Variants in TCF4 observed in about 807,000 individuals in gnomAD.
The protein encoded by TCF4 is transcription factor 4.
TCF4 carries 3 observed loss-of-function variants against 82.1 expected under a neutral mutation model. The ratio of observed to expected loss-of-function variants is 0.04; its 90% confidence interval spans 0.02 to 0.09. TCF4 has a LOEUF of 0.09. Ranked by LOEUF, TCF4 falls within the 10% of genes least tolerant of loss-of-function variation. The pLI is 1.00. For missense variants in TCF4, 518 were observed against 852.7 expected, an observed-to-expected ratio of 0.61 and a Z score of 4.89; for synonymous variants, 276 against 309.6, an observed-to-expected ratio of 0.89 and a Z score of 1.14.
At chr18:55,462,378 C>T (rs1391551889) in intron 4 of TCF4, among the ~76,000 whole-genome samples, 1 of 152,062 alleles carries the variant, frequency 6.6e-6, no homozygotes, top group East Asian at 1.9e-4. Context: ...ATTTAATCCT[C>T]AGCACAGTGC....
intron 6 of TCF4, among the ~76,000 whole-genome samples, chr18:55,365,466 T>C (rs932698018): frequency 2.6e-5 from 4 of 151,494 alleles, no homozygotes; most frequent in African/African-American, 9.7e-5. Flanking sequence ...CAAAGCAGAG[T>C]GGCAAAAGCA....
At chr18:55,391,444 A>G (rs945398682) in intron 6 of TCF4, among the ~76,000 whole-genome samples, 10 of 152,088 alleles carry the variant, frequency 6.6e-5, no homozygotes, top group Non-Finnish European at 1.2e-4. Context: ...TTAGGGTTTG[A>G]TATCTTACTT....
chr18:55,555,089 G>GCT (rs1459025784), intron 3 of TCF4, among the ~76,000 whole-genome samples: 3 of 152,066 alleles, frequency 2.0e-5, no homozygotes, highest in African/African-American at 4.8e-5. Context: ...GAAGAGCCTA[G>GCT]CTCTCATTCA....
chr18:55,421,842 G>C (rs955829018), intron 5 of TCF4, among the ~76,000 whole-genome samples: 1 of 152,112 alleles, frequency 6.6e-6, no homozygotes, highest in African/African-American at 2.4e-5. Context: ...TTGGCATCAA[G>C]TGTACATTTG....
intron 8 of TCF4, chr18:55,321,651 G>A: frequency 2.0e-6 from 3 of 1,536,008 alleles, no homozygotes; most frequent in Non-Finnish European, 1.7e-6. Context: ...AATCCCCCTC[G>A]CAGCCCGCAT....
intron 6 of TCF4, among the ~76,000 whole-genome samples, chr18:55,399,918 ACACACAC>A (rs1569371328): frequency 6.5e-4 from 97 of 149,764 alleles, no homozygotes; most frequent in Non-Finnish European, 7.5e-4. Flanking sequence ...ACACACACAC[ACACACAC>A]AATACTAAAA....
chr18:55,312,703 G>A (rs535113858), intron 8 of TCF4, among the ~76,000 whole-genome samples: 7 of 152,222 alleles, frequency 4.6e-5, no homozygotes, highest in African/African-American at 1.4e-4. Flanking sequence ...AAATGTAAAC[G>A]CTTTTAACAA....
At chr18:55,586,303 A>C (rs998389143) in intron 2 of TCF4, 9 of 797,976 alleles carry the variant, frequency 1.1e-5, no homozygotes, top group Non-Finnish European at 1.8e-5. Context: ...TTTGCTTTAC[A>C]AATGCATCTT....
chr18:55,351,147 A>C, intron 6 of TCF4, 144 bp from the exon 7 acceptor site: 1 of 1,012,300 alleles, frequency 9.9e-7, no homozygotes, highest in Middle Eastern at 2.8e-4. Flanking sequence ...ACAAAAACCC[A>C]AAAGAAAGGC....
At chr18:55,513,303 A>C (rs1439148452) in intron 3 of TCF4, among the ~76,000 whole-genome samples, 1 of 151,980 alleles carries the variant, frequency 6.6e-6, no homozygotes. Flanking sequence ...GGCATGATGA[A>C]GAGTGGAAAA....
Position 55,279,608 on chromosome 18 carries a change from C to T in TCF4, c.598G>A (p.Gly200Ser). 3 of 1,614,014 alleles carry T rather than the reference C, an allele frequency of 1.9e-6. No individual in the cohort carries two copies. The highest frequency in any genetic ancestry group is 2.5e-6 in the Non-Finnish European group (3 of 1,179,934). The change falls in exon 9 of 20, where the codon GGC (glycine) becomes AGC (serine). Residue 200 changes from glycine (G) to serine (S), a missense_variant. Gly to Ser is a moderately conservative substitution (Grantham distance 56). Around this residue, in one of 7 missense-constraint regions of TCF4, gnomAD observed 211 missense variants for 327.4 expected, o/e 0.64. Coordinates refer to ENST00000354452, the MANE Select transcript of TCF4 (RefSeq NM_001083962.2). ...STADYNRDSP[G>S]YPSSKPATST... ...GTTGCTGGTTTGGAGGAAGGATAGC[C>T]TGGCGAGTCCCTATTGTAGTCGGCA...
In TCF4 at chr18:55,460,976, T is replaced by G. The variant is rs779619698; in HGVS notation, c.304+43A>C. On this transcript the variant is annotated intron_variant, in intron 5 of 19. Transcript: ENST00000354452. Reference sequence around the variant, plus strand: ...ATGGTTTTACCTTCTATAGTAAAACTTGAGCATTCAAAAAGTGTAAGTTAA... The same window carrying G: ...ATGGTTTTACCTTCTATAGTAAAACGTGAGCATTCAAAAAGTGTAAGTTAA... 7 of 1,556,756 alleles carry G rather than the reference T, an allele frequency of 4.5e-6. 1 individual carries two copies. Among genetic ancestry groups the G allele is most frequent in the Non-Finnish European group, 6.2e-6 (7 of 1,131,116 alleles).
intron 8 of TCF4, among the ~76,000 whole-genome samples, chr18:55,331,605 C>T (rs1272131243): frequency 6.6e-6 from 1 of 152,060 alleles, no homozygotes; most frequent in Admixed American, 6.5e-5. Context: ...ACACGATAGC[C>T]AGCTGTAACT....
rs957973309 is a variant in TCF4, at chr18:55,395,384, G to A, written c.369+8070C>T. On this transcript the variant is annotated intron_variant, in intron 6 of 19. Coordinates refer to ENST00000354452, the MANE Select transcript of TCF4 (RefSeq NM_001083962.2). ...AGAAGCTATTTTAAAAACGCTTAAT[G>A]GTTTTCATAAGAAAAGAGAAGTTAA... Among the ~76,000 whole-genome samples, 5 of 152,128 alleles carry A rather than the reference G, an allele frequency of 3.3e-5. 1 individual carries two copies. Among genetic ancestry groups the A allele is most frequent in the Non-Finnish European group, 7.4e-5 (5 of 68,016 alleles).
At chr18:55,588,342 G>C, upstream of TCF4, 1 of 1,486,202 alleles carries the variant, frequency 6.7e-7, no homozygotes, top group Non-Finnish European at 8.9e-7. Flanking sequence ...CCGGCGGGGA[G>C]ACGCGACTTG....
At chr18:55,357,587 C>A (rs1468004727) in intron 6 of TCF4, among the ~76,000 whole-genome samples, 2 of 152,110 alleles carry the variant, frequency 1.3e-5, no homozygotes, top group African/African-American at 2.4e-5. Flanking sequence ...AATAAATGTG[C>A]TGAAAAATAT....
chr18:55,502,450 TGCAGC>T lies in TCF4; in HGVS notation c.146-38318_146-38314del, dbSNP rs2096711754. ...TATTCTCATGACATTTAAAGGACAA[TGCAGC>T]ATAGTAAAGGAAAACTTGGATGAGA... On this transcript the variant is annotated intron_variant, in intron 3 of 19. Coordinates refer to ENST00000354452, the MANE Select transcript of TCF4 (RefSeq NM_001083962.2). Among the ~76,000 whole-genome samples the T allele has an allele frequency of 4.6e-5, 7 of 152,200 alleles. No individual in the cohort carries two copies. The South Asian group carries it at 1.4e-3, about 31-fold the overall frequency.
At chr18:55,585,421 T>A (rs1014032909) in intron 2 of TCF4, 69 bp from the exon 3 acceptor site, 8 of 1,349,966 alleles carry the variant, frequency 5.9e-6, no homozygotes, top group Non-Finnish European at 7.4e-6. Flanking sequence ...CTCAAAGATC[T>A]TTCATACTGT....
intron 2 of TCF4, among the ~76,000 whole-genome samples, chr18:55,603,056 T>G (rs2097698809): frequency 6.6e-6 from 1 of 152,096 alleles, no homozygotes; most frequent in African/African-American, 2.4e-5. Context: ...AGATTTAGAG[T>G]AATATACCTG....
Sources: allele counts gnomAD v4.1 joint callset (sites outside exome capture counted in the v4.1 genomes callset), GRCh38; gene constraint gnomAD v4.1.1; regional missense constraint gnomAD v4.1.1; transcripts MANE v1.5; gene names NCBI Gene and HGNC (gene_info 2026-07-23, HGNC 2026-07-21).